Variants in AK9 observed in about 807,000 individuals in gnomAD.
AK9 encodes adenylate kinase domain containing 1.
Under a neutral mutation model 239.6 loss-of-function variants are expected in AK9, and 191 were observed. The ratio of observed to expected loss-of-function variants is 0.80; its 90% CI spans 0.71 to 0.90. The LOEUF (loss-of-function observed/expected upper bound fraction) is 0.90. Among genes scored for constraint, AK9 ranks in the 40% least tolerant of loss-of-function variants. The pLI, the probability that AK9 is intolerant of heterozygous loss-of-function variation, is 0.00. For synonymous variants in AK9, 689 were observed against 721.0 expected, an observed-to-expected ratio of 0.96 and a Z score of 0.71; for missense variants, 1,995 against 2,214.7, an observed-to-expected ratio of 0.90 and a Z score of 1.99.
Position 109,563,700 on chromosome 6 carries a change from T to C in AK9, c.2648A>G (p.Tyr883Cys), listed in dbSNP as rs755975965. The change falls in exon 24 of 41, where the codon TAT becomes TGT. Residue 883 changes from tyrosine (Y) to cysteine (C), a missense_variant. Transcript: ENST00000424296. ...TTCCCCAGTTAACTCCCATGCAGTA[T>C]ATTGAAATGGTTCTGGAGAAAAAGA... ...VVETMEKPFQ[Y>C]TAWELTGEDY... 129 of 1,549,936 alleles carry C rather than the reference T, an allele frequency of 8.3e-5. No individual in the cohort carries two copies. Among genetic ancestry groups the C allele is most frequent in the Admixed American group, 3.3e-4 (17 of 50,918 alleles).
In AK9 at chr6:109,683,334, G is replaced by A. The variant is rs185098410; in HGVS notation, c.-11-7578C>T. 3.9e-5 allele frequency among the ~76,000 whole-genome samples: 6 copies of A among 152,208 alleles called. No individual in the cohort carries two copies. In the East Asian group the frequency reaches 1.2e-3, roughly 29 times the overall value. ...ACTGGAAGCATTTTCTTTGAAAACTGGCACAAAACAAGGATGCCCACTCTC... is the reference window on the plus strand; with the variant it reads ...ACTGGAAGCATTTTCTTTGAAAACTAGCACAAAACAAGGATGCCCACTCTC... On this transcript the variant is annotated intron_variant, in intron 1 of 40. Coordinates refer to ENST00000424296, the MANE Select transcript of AK9 (RefSeq NM_001145128.3).
At chr6:109,550,571 T>C (rs1266382496) in intron 24 of AK9, 3 of 256,272 alleles carry the variant, frequency 1.2e-5, no homozygotes, top group African/African-American at 6.8e-5. Context: ...AACAGAGATG[T>C]AATGAAAAAC....
At chr6:109,563,936 G>T in intron 23 of AK9, 144 bp downstream of exon 23, 1 of 1,031,286 alleles carries the variant, frequency 9.7e-7, no homozygotes, top group Non-Finnish European at 1.4e-6. Flanking sequence ...CCTGCACAGT[G>T]ATAGTTGCTA....
intron 29 of AK9, among the ~76,000 whole-genome samples, chr6:109,523,836 T>C (rs149224808): frequency 6.6e-6 from 1 of 152,312 alleles, no homozygotes; most frequent in East Asian, 1.9e-4. Context: ...CTGCCATTCA[T>C]TGCAGGCATG....
chr6:109,618,827 C>G (rs1794489228), intron 13 of AK9, among the ~76,000 whole-genome samples: 1 of 147,718 alleles, frequency 6.8e-6, no homozygotes, highest in African/African-American at 2.5e-5. Context: ...ATCAAACAGT[C>G]TGCCCAGTAA....
rs1417097737 is a variant in AK9 at position 109,585,959 on chromosome 6, A to G, written c.1956T>C (p.Ile652=). The part of the protein sequence containing the change: ...ELWMALIKKG[I]IPDLVIYLSD... ...ATAAATAGATGACCAAATCAGGTAT[A>G]ATTCCTTTCTTGATTAAGGCCATCC... Residue 652 remains isoleucine, a synonymous_variant, in exon 18 of 41, where the codon ATT becomes ATC. Transcript: ENST00000424296. The G allele has an allele frequency of 1.9e-6, 3 of 1,551,084 alleles. No homozygotes were observed. The highest frequency in any genetic ancestry group is 1.7e-6 in the Non-Finnish European group (2 of 1,146,702).
chr6:109,538,696 A>G (rs1266786785), intron 27 of AK9, among the ~76,000 whole-genome samples: 1 of 152,036 alleles, frequency 6.6e-6, no homozygotes, highest in Non-Finnish European at 1.5e-5. Flanking sequence ...GTTTCTTCCT[A>G]GCATCAATGA....
At position 109,557,711 on chromosome 6, in the gene AK9, G is replaced by A. The variant is rs576872374; in HGVS notation, c.2751+5886C>T. Reference sequence around the variant, plus strand: ...TAAAGCTGCTGTGACCACTCATCAAGTCTTTGAATGGGCATGTGCTCTCCT... The same window carrying A: ...TAAAGCTGCTGTGACCACTCATCAAATCTTTGAATGGGCATGTGCTCTCCT... On this transcript the variant is annotated intron_variant, in intron 24 of 40. Transcript: ENST00000424296. Among the ~76,000 whole-genome samples, 112 of 152,316 alleles carry A rather than the reference G, an allele frequency of 7.4e-4. 1 individual carries two copies. The highest frequency in any genetic ancestry group is 2.6e-3 in the African/African-American group (109 of 41,558).
chr6:109,533,406 G>C lies in AK9; in HGVS notation c.3415C>G (p.Arg1139Gly). The C allele has an allele frequency of 6.2e-7, 1 of 1,610,422 alleles. No individual in the cohort carries two copies. Among genetic ancestry groups the C allele is most frequent in the Non-Finnish European group, 8.5e-7 (1 of 1,178,422 alleles). ...YPEEAQFLGD[R>G]GFFPDAAVFI... ...ACAGCTGCATCTGGGAAAAATCCAC[G>C]ATCTCCCAAAAACTGGGCCTCTTCT... Residue 1139 changes from arginine (R) to glycine (G), a missense_variant, in exon 28 of 41, where the codon CGT becomes GGT. This residue lies in a region of AK9 where 1,290 missense variants were observed against 1,392.7 expected (regional missense o/e 0.93). Coordinates refer to ENST00000424296, the MANE Select transcript of AK9 (RefSeq NM_001145128.3).
intron 27 of AK9, among the ~76,000 whole-genome samples, chr6:109,537,042 C>T (rs1466677598): frequency 6.6e-6 from 1 of 152,164 alleles, no homozygotes; most frequent in East Asian, 1.9e-4. Flanking sequence ...CAATGTTCAT[C>T]AGGGATATTG....
chr6:109,626,605 A>G (rs558619250), intron 12 of AK9, among the ~76,000 whole-genome samples: 12 of 152,302 alleles, frequency 7.9e-5, no homozygotes, highest in African/African-American at 2.9e-4. Context: ...AGCTTACTAA[A>G]CACCTAGGGT....
At chr6:109,618,725 G>C (rs1168942770) in intron 13 of AK9, among the ~76,000 whole-genome samples, 1 of 152,142 alleles carries the variant, frequency 6.6e-6, no homozygotes, top group East Asian at 1.9e-4. Flanking sequence ...AATCAGGACT[G>C]CCATATAAGT....
intron 12 of AK9, among the ~76,000 whole-genome samples, chr6:109,623,859 T>A (rs887266733): frequency 9.5e-6 from 1 of 105,594 alleles, no homozygotes; most frequent in Admixed American, 1.1e-4. Context: ...GTTAGGAATC[T>A]TAGACACACA....
Position 109,499,081 on chromosome 6 carries a change from C to G in AK9, c.5009G>C (p.Gly1670Ala). ...DSLEFAAEFR[G>A]HYYKMSSQEK... is the part of the protein sequence containing the mutation. Reference sequence around the variant, plus strand: ...CTGAGAACTCATTTTATAGTAGTGCCCCCTGAACTCTGCTGCAAATTCCAA... The same window carrying G: ...CTGAGAACTCATTTTATAGTAGTGCGCCCTGAACTCTGCTGCAAATTCCAA... The change falls in exon 36 of 41, where the codon GGG becomes GCG. Residue 1670 changes from glycine (G) to alanine (A), a missense_variant. Coordinates refer to ENST00000424296, the MANE Select transcript of AK9 (RefSeq NM_001145128.3). The G allele has an allele frequency of 6.3e-7, 1 of 1,597,080 alleles. No individual in the cohort carries two copies.
intron 24 of AK9, 120 bp downstream of exon 24, chr6:109,563,477 A>G: frequency 7.2e-7 from 1 of 1,393,156 alleles, no homozygotes; most frequent in Non-Finnish European, 9.4e-7. Context: ...GCAGAGGGAG[A>G]ATGTGTGTGC....
intron 13 of AK9, among the ~76,000 whole-genome samples, chr6:109,617,642 G>A (rs1008658820): frequency 1.1e-4 from 17 of 152,006 alleles, no homozygotes; most frequent in Non-Finnish European, 2.2e-4. Flanking sequence ...AATACAAAAT[G>A]TATTATAATA....
Position 109,662,671 on chromosome 6 carries a change from G to A in AK9, c.332-8C>T. 1.4e-6 allele frequency: 2 copies of A among 1,434,990 alleles called. No individual in the cohort carries two copies. Among genetic ancestry groups the A allele is most frequent in the Non-Finnish European group, 1.8e-6 (2 of 1,082,766 alleles). The allele number at this position is 1,434,990 out of a possible 1,614,324, so 88.9% of individuals were successfully genotyped here. ...TTTCAGTGATAATATAACCTGTAAA[G>A]TAAAATATAATTTTAAAACTTTTAT... On this transcript the variant is annotated splice_region_variant and splice_polypyrimidine_tract_variant and intron_variant, in intron 5 of 40. Coordinates refer to ENST00000424296, the MANE Select transcript of AK9 (RefSeq NM_001145128.3).
At chr6:109,542,288 G>T in intron 26 of AK9, 117 bp from the exon 27 acceptor site, 1 of 967,458 alleles carries the variant, frequency 1.0e-6, no homozygotes, top group Non-Finnish European at 1.5e-6. Flanking sequence ...AGAGTAGAAT[G>T]AAAGTTACCA....
rs1490931404 is a variant in AK9 at position 109,691,152 on chromosome 6, A to G, written c.-17T>C. ...TGTTTTCCTCCAATCCTTACCAAAGATGGTGCCCTTCGCTTCCTCTCTCGG... is the reference window on the plus strand; with the variant it reads ...TGTTTTCCTCCAATCCTTACCAAAGGTGGTGCCCTTCGCTTCCTCTCTCGG... On this transcript the variant is annotated 5_prime_UTR_variant, in exon 1 of 41. Coordinates refer to ENST00000424296, the MANE Select transcript of AK9 (RefSeq NM_001145128.3). 12 of 563,096 alleles carry G rather than the reference A, an allele frequency of 2.1e-5. No individual in the cohort carries two copies. The highest frequency in any genetic ancestry group is 3.8e-5 in the Non-Finnish European group (12 of 313,932). The allele number at this position is 563,096 out of a possible 1,614,324, so 34.9% of individuals were successfully genotyped here.
Sources: gnomAD v4.1 joint callset for allele counts (sites outside exome capture counted in the v4.1 genomes callset) on GRCh38, gnomAD v4.1.1 for gene constraint, gnomAD v4.1.1 regional missense constraint, MANE v1.5 for transcripts, NCBI Gene and HGNC (gene_info 2026-07-23, HGNC 2026-07-21) for gene names.